Variants in CGN observed in about 807,000 individuals in gnomAD.
CGN encodes cingulin.
Under a neutral mutation model 157.1 loss-of-function variants are expected in CGN, and 121 were observed. The observed-to-expected ratio is 0.77, with a 90% CI of 0.66 to 0.90. CGN has a LOEUF of 0.90. CGN is among the 40% of genes least tolerant of loss of function. CGN has a pLI of 0.00. For missense variants in CGN, 1,424 were observed against 1,520.9 expected (o/e 0.94, Z 1.06); for synonymous variants, 535 against 607.5 (o/e 0.88, Z 1.76).
At chr1:151,535,937 T>C (rs1664958619) in intron 18 of CGN, 39 bp downstream of exon 18, 1 of 1,501,550 alleles carries the variant, frequency 6.7e-7, no homozygotes, top group Non-Finnish European at 9.2e-7. Context: ...CTCCCTCCTT[T>C]TCTTCCTCCC....
intron 1 of CGN, among the ~76,000 whole-genome samples, chr1:151,513,776 C>T (rs1664351798): frequency 1.3e-5 from 2 of 152,182 alleles, no homozygotes; most frequent in African/African-American, 2.4e-5. Flanking sequence ...AAGTGGCTGT[C>T]TGGTACAGGT....
rs372989631 is a variant in CGN, at chr1:151,523,547, G to A, written c.1254G>A (p.Gln418=). 6.2e-7 allele frequency: 1 copy of A among 1,610,020 alleles called. No individual in the cohort carries two copies. Among genetic ancestry groups the A allele is most frequent in the African/African-American group, 1.3e-5 (1 of 74,792 alleles). Residue 418 remains glutamine (Q), a synonymous_variant, in exon 6 of 21, where the codon CAG becomes CAA. Transcript: ENST00000271636. ...TGGAGAGGAGGAAGGGGGAGGCCCA[G>A]CAGAGCAACAAGGAGTGAGTGCAGC... ...ELLERRKGEA[Q]QSNKELQNMK...
Position 151,534,694 on chromosome 1 carries a change from A to G in CGN, c.2905-348A>G. The G allele has an allele frequency of 1.0e-5, 3 of 286,092 alleles. No individual in the cohort carries two copies. In the South Asian group the frequency reaches 1.2e-4, roughly 12 times the overall value. The allele number at this position is 286,092 out of a possible 1,614,324, so 17.7% of individuals were successfully genotyped here. A position where few individuals can be genotyped will look rare whatever the true frequency, so the allele number is the denominator to read the frequency against. On this transcript the variant is annotated intron_variant, in intron 15 of 20. Coordinates refer to ENST00000271636, the MANE Select transcript of CGN (RefSeq NM_020770.3). Reference sequence around the variant, plus strand: ...GCCTCTACGTGGTACTGCCTCCAGTACCTCAGTTTCTGAGTCTCTTCACCT... The same window carrying G: ...GCCTCTACGTGGTACTGCCTCCAGTGCCTCAGTTTCTGAGTCTCTTCACCT...
chr1:151,524,430 T>C lies in CGN; in HGVS notation c.1401+72T>C, dbSNP rs1050789006. ...GAGCATCCTCAAGTCTGCTCATCCA[T>C]GGTTTCCCCAAAGTATGAGGAGTGG... is the stretch of plus-strand genomic sequence containing the variant. On this transcript the variant is annotated intron_variant, in intron 7 of 20. Coordinates refer to ENST00000271636, the MANE Select transcript of CGN (RefSeq NM_020770.3). This position sits in a 1 kb window ranked among gnomAD's most constrained non-coding sequence, Gnocchi z 4.4. The C allele has an allele frequency of 6.3e-6, 10 of 1,593,460 alleles. No homozygotes were observed. The highest frequency in any genetic ancestry group is 8.5e-6 in the Non-Finnish European group (10 of 1,170,356).
intron 9 of CGN, 74 bp from the exon 10 acceptor site, chr1:151,526,901 G>A: frequency 6.3e-7 from 1 of 1,586,846 alleles, no homozygotes; most frequent in Non-Finnish European, 8.6e-7. Flanking sequence ...GGCTTTTATT[G>A]TCATGCTAAC....
At chr1:151,527,224 C>T (rs1382261857) in intron 10 of CGN, 117 bp downstream of exon 10, 7 of 1,065,960 alleles carry the variant, frequency 6.6e-6, no homozygotes, top group South Asian at 2.8e-5. Flanking sequence ...TTCCAGGCCT[C>T]ATCCTGCCTG....
intron 10 of CGN, among the ~76,000 whole-genome samples, chr1:151,528,978 T>C (rs1366646638): frequency 6.6e-6 from 1 of 152,228 alleles, no homozygotes. Context: ...CAAGTATGAG[T>C]ACTTCATTCC....
chr1:151,526,607 G>A (rs1343510164), intron 9 of CGN, among the ~76,000 whole-genome samples: 2 of 151,880 alleles, frequency 1.3e-5, no homozygotes, highest in African/African-American at 4.8e-5. Context: ...CCGAATAGGT[G>A]GGACTATAGG....
intron 10 of CGN, among the ~76,000 whole-genome samples, chr1:151,528,573 C>T (rs900633522): frequency 3.3e-5 from 5 of 152,034 alleles, no homozygotes; most frequent in Admixed American, 1.3e-4. Context: ...CACACCACCA[C>T]GCCCGGCTAA....
At position 151,530,001 on chromosome 1, in the gene CGN, C is replaced by T. The variant is rs374064230; in HGVS notation, c.2199C>T (p.Asp733=). 25 of 1,614,030 alleles carry T rather than the reference C, an allele frequency of 1.5e-5. No homozygotes were observed. Among genetic ancestry groups the T allele is most frequent in the African/African-American group, 1.2e-4 (9 of 74,910 alleles). ...TTLRETQEEN[D]EFRRRILGLE... is the part of the protein sequence containing the mutation. ...TTCGGGAGACCCAGGAGGAAAATGA[C>T]GAATTCCGCCGGCGCATCCTGGGTT... The change falls in exon 12 of 21, where the codon GAC becomes GAT. Residue 733 remains aspartate, a synonymous_variant. Transcript: ENST00000271636.
At chr1:151,510,265 G>C (rs894624151), upstream of CGN, among the ~76,000 whole-genome samples, 1 of 152,196 alleles carries the variant, frequency 6.6e-6, no homozygotes, top group Non-Finnish European at 1.5e-5. Context: ...CAGCTCCCGA[G>C]AATACACCGG....
rs1665036206 is a variant in CGN at position 151,538,678 on chromosome 1, A to G, written c.*1332A>G. 6.6e-6 allele frequency: 1 copy of G among 152,230 alleles called. No homozygotes were observed. The highest frequency in any genetic ancestry group is 1.5e-5 in the Non-Finnish European group (1 of 68,046). The allele number at this position is 152,230 out of a possible 1,614,324, so 9.4% of individuals were successfully genotyped here. ...ATTTTAAATTAAATATTAAAATTAC[A>G]CATTTATATTGAAATCCTTGGTTTG... On this transcript the variant is annotated 3_prime_UTR_variant, in exon 21 of 21. Coordinates refer to ENST00000271636, the MANE Select transcript of CGN (RefSeq NM_020770.3).
At chr1:151,533,896 C>T (rs1177721628) in intron 14 of CGN, 79 bp from the exon 15 acceptor site, 1 of 1,251,952 alleles carries the variant, frequency 8.0e-7, no homozygotes, top group Non-Finnish European at 1.1e-6. Context: ...TGTTTCTGCC[C>T]ACTGGGCTGG....
Position 151,518,530 on chromosome 1 carries a change from C to T in CGN, c.11C>T (p.Ala4Val), listed in dbSNP as rs1283941228. 5 of 1,603,710 alleles carry T rather than the reference C, an allele frequency of 3.1e-6. No homozygotes were observed. The South Asian group carries it at 4.4e-5, about 14-fold the overall frequency. The change falls in exon 2 of 21, where the codon GCA (alanine) becomes GTA (valine). Residue 4 changes from alanine (A) to valine (V), a missense_variant. Ala to Val is a moderately conservative substitution (Grantham distance 64). This residue lies in a region of CGN where 1,187 missense variants were observed against 1,217.6 expected (regional missense o/e 0.97). Transcript: ENST00000271636. MEQ[A>V]PNMAEPRGPV... ...GGACTCCTCCTATTTATGGAGCAGG[C>T]ACCCAACATGGCTGAGCCCCGGGGC...
At position 151,520,635 on chromosome 1, in the gene CGN, G is replaced by A. The variant is rs1163441629; in HGVS notation, c.1084G>A (p.Gly362Ser). 6.2e-7 allele frequency: 1 copy of A among 1,614,068 alleles called. No homozygotes were observed. Among genetic ancestry groups the A allele is most frequent in the South Asian group, 1.1e-5 (1 of 91,070 alleles). ...TTCTACTAAGGCCGTGGCAGGGCAGGGTGAGCTTACCCGAAAAGTGGAGGA... is the reference window on the plus strand; with the variant it reads ...TTCTACTAAGGCCGTGGCAGGGCAGAGTGAGCTTACCCGAAAAGTGGAGGA... ...SGSTKAVAGQGELTRKVEELQ... is the reference protein window; with the variant it reads ...SGSTKAVAGQSELTRKVEELQ... Residue 362 changes from glycine (G) to serine (S), a missense_variant, in exon 5 of 21, where the codon GGT becomes AGT. Around this residue, in one of 3 missense-constraint regions of CGN, gnomAD observed 1,187 missense variants for 1,217.6 expected, o/e 0.97. Coordinates refer to ENST00000271636, the MANE Select transcript of CGN (RefSeq NM_020770.3).
rs1664461370 is a variant in CGN at position 151,518,555 on chromosome 1, C to A, written c.36C>A (p.Gly12=). 3 of 1,611,344 alleles carry A rather than the reference C, an allele frequency of 1.9e-6. No homozygotes were observed. The highest frequency in any genetic ancestry group is 1.3e-5 in the African/African-American group (1 of 74,856). Reference sequence around the variant, plus strand: ...CACCCAACATGGCTGAGCCCCGGGGCCCCGTAGACCATGGAGTCCAGATTC... The same window carrying A: ...CACCCAACATGGCTGAGCCCCGGGGACCCGTAGACCATGGAGTCCAGATTC... The part of the protein sequence containing the change: ...EQAPNMAEPR[G]PVDHGVQIRF... Residue 12 remains glycine, a synonymous_variant, in exon 2 of 21, where the codon GGC becomes GGA. Coordinates refer to ENST00000271636, the MANE Select transcript of CGN (RefSeq NM_020770.3).
rs143378967 is a variant in CGN, at chr1:151,511,845, C to A, written c.-15+330C>A. Among the ~76,000 whole-genome samples the A allele has an allele frequency of 9.5e-4, 144 of 152,258 alleles. No individual in the cohort carries two copies. Among genetic ancestry groups the A allele is most frequent in the African/African-American group, 3.2e-3 (134 of 41,560 alleles). On this transcript the variant is annotated intron_variant, in intron 1 of 20. Coordinates refer to ENST00000271636, the MANE Select transcript of CGN (RefSeq NM_020770.3). This position sits in a 1 kb window ranked among gnomAD's most constrained non-coding sequence, Gnocchi z 4.8. ...GGGGCAGAATTTCTCTTGGAGACAGCGGTGGCGCGGGGAAGGAGTTAGTTC... is the reference window on the plus strand; with the variant it reads ...GGGGCAGAATTTCTCTTGGAGACAGAGGTGGCGCGGGGAAGGAGTTAGTTC...
chr1:151,532,317 G>C (rs752440650), intron 13 of CGN, 85 bp from the exon 14 acceptor site: 1 of 1,047,988 alleles, frequency 9.5e-7, no homozygotes, highest in Non-Finnish European at 1.3e-6. Context: ...TCAGGAAGGA[G>C]ACCCTTAGGG....
At position 151,511,473 on chromosome 1, in the gene CGN, C is replaced by CCCGAGT; in HGVS notation, c.-52_-51insTCCGAG. ...GCCCGAGCCCGAGCCCGAGCCCGAG[C>CCCGAGT]CCGAGCCCGAACGCAAGCCTGGGAG... On this transcript the variant is annotated 5_prime_UTR_variant, in exon 1 of 21. Coordinates refer to ENST00000271636, the MANE Select transcript of CGN (RefSeq NM_020770.3). The surrounding 1 kb of genome is among the most constrained non-coding windows in gnomAD (Gnocchi z 4.8). 1 of 190,724 alleles carries CCCGAGT rather than the reference C, an allele frequency of 5.2e-6. No homozygotes were observed. The highest frequency in any genetic ancestry group is 1.1e-5 in the Non-Finnish European group (1 of 91,624). The allele number at this position is 190,724 out of a possible 1,614,324, so 11.8% of individuals were successfully genotyped here.
Sources: allele counts gnomAD v4.1 joint callset (sites outside exome capture counted in the v4.1 genomes callset), GRCh38; gene constraint gnomAD v4.1.1; regional missense constraint gnomAD v4.1.1; non-coding constraint Gnocchi (gnomAD v3.1); transcripts MANE v1.5; gene names NCBI Gene and HGNC (gene_info 2026-07-23, HGNC 2026-07-21).